The following SYCP2L variants were observed in gnomAD, a reference collection of about 807,000 sequenced individuals.
The protein encoded by SYCP2L is synaptonemal complex protein 2-like.
In SYCP2L, 98 loss-of-function variants were observed where a neutral mutation model predicts 125.8. The observed-to-expected ratio is 0.78, with a 90% CI of 0.66 to 0.92. SYCP2L has a LOEUF of 0.92. SYCP2L is among the 40% of genes least tolerant of loss of function. SYCP2L has a pLI of 0.00. For missense variants in SYCP2L, 842 were observed against 936.4 expected, an observed-to-expected ratio of 0.90 and a Z score of 1.32; for synonymous variants, 317 against 325.4, an observed-to-expected ratio of 0.97 and a Z score of 0.28.
At chr6:10,928,380 C>T (rs1379765077) in intron 17 of SYCP2L, 23 bp from the exon 18 acceptor site, 3 of 1,188,652 alleles carry the variant, frequency 2.5e-6, no homozygotes, top group African/African-American at 1.5e-5. Context: ...GAAATCTTCA[C>T]AATCCACGTT....
At chr6:10,935,642 A>G (rs567596061) in intron 21 of SYCP2L, among the ~76,000 whole-genome samples, 1 of 151,978 alleles carries the variant, frequency 6.6e-6, no homozygotes, top group African/African-American at 2.4e-5. Context: ...CTCCTGCCTC[A>G]GCCTCCCATG....
At position 10,958,912 on chromosome 6, in the gene SYCP2L, T is replaced by G. The variant is rs191474231; in HGVS notation, c.2255+37T>G. ...GTTTCAAAACAAGGTCGTGGAAGTG[T>G]GATCACTCACCAACAGCGTTTATCT... On this transcript the variant is annotated intron_variant, in intron 26 of 29. Transcript: ENST00000283141. 13 of 1,576,962 alleles carry G rather than the reference T, an allele frequency of 8.2e-6. No individual in the cohort carries two copies. In the Admixed American group the frequency reaches 1.8e-4, roughly 22 times the overall value.
chr6:10,922,465 C>CT (rs1205724403), intron 14 of SYCP2L, among the ~76,000 whole-genome samples: 2,862 of 135,622 alleles, frequency 0.021, 51 homozygotes, highest in Non-Finnish European at 0.028. Flanking sequence ...TAGCTAGTTA[C>CT]TTTTTTTTTT....
chr6:10,911,598 G>C (rs951164051), intron 12 of SYCP2L, among the ~76,000 whole-genome samples: 1 of 152,118 alleles, frequency 6.6e-6, no homozygotes, highest in East Asian at 1.9e-4. Context: ...GCTGATTCTT[G>C]TGTCTCAATT....
At chr6:10,904,056 A>C (rs1470263510) in intron 8 of SYCP2L, among the ~76,000 whole-genome samples, 1 of 152,196 alleles carries the variant, frequency 6.6e-6, no homozygotes, top group African/African-American at 2.4e-5. Flanking sequence ...TCAAAGTAAT[A>C]CTACTTGATA....
intron 14 of SYCP2L, among the ~76,000 whole-genome samples, chr6:10,918,769 C>CAG (rs1384724649): frequency 1.3e-5 from 2 of 152,056 alleles, no homozygotes; most frequent in Admixed American, 6.5e-5. Context: ...CTCCTGACCT[C>CAG]GTGATCCGCC....
intron 8 of SYCP2L, among the ~76,000 whole-genome samples, chr6:10,903,351 A>G (rs933755441): frequency 6.6e-6 from 1 of 152,184 alleles, no homozygotes; most frequent in African/African-American, 2.4e-5. Context: ...GATCGAGACC[A>G]TCCTGGCTAA....
chr6:10,908,187 T>A (rs1780540262), intron 10 of SYCP2L, among the ~76,000 whole-genome samples: 1 of 152,048 alleles, frequency 6.6e-6, no homozygotes, highest in Non-Finnish European at 1.5e-5. Context: ...CATGTCTGTC[T>A]AGGACTTCTT....
At chr6:10,923,851 T>G (rs1173171671) in intron 14 of SYCP2L, among the ~76,000 whole-genome samples, 1 of 150,934 alleles carries the variant, frequency 6.6e-6, no homozygotes, top group Non-Finnish European at 1.5e-5. Flanking sequence ...GCCCGGCTAA[T>G]TTTTTTGTAT....
chr6:10,955,245 C>T (rs773569729), intron 24 of SYCP2L, 28 bp downstream of exon 24: 1 of 1,439,502 alleles, frequency 6.9e-7, no homozygotes, highest in African/African-American at 1.4e-5. Context: ...GCCAATGGTT[C>T]AAGTAGGAGT....
chr6:10,887,162 C>A (rs1481124343), intron 1 of SYCP2L, 27 bp downstream of exon 1: 1 of 1,614,032 alleles, frequency 6.2e-7, no homozygotes, highest in South Asian at 1.1e-5. Flanking sequence ...GGGCCCGGAC[C>A]TTCTGTCCAC....
At chr6:10,943,609 C>A (rs1781259759) in intron 23 of SYCP2L, among the ~76,000 whole-genome samples, 1 of 152,142 alleles carries the variant, frequency 6.6e-6, no homozygotes, top group Non-Finnish European at 1.5e-5. Context: ...AAACTGGGAA[C>A]TAGAAAATTG....
At chr6:10,891,454 C>G in intron 1 of SYCP2L, 59 bp from the exon 2 acceptor site, 1 of 594,116 alleles carries the variant, frequency 1.7e-6, no homozygotes. Flanking sequence ...GTGTTTAAAA[C>G]TTGAAATGCA....
chr6:10,967,365 T>C (rs572053556), intron 29 of SYCP2L, among the ~76,000 whole-genome samples: 1 of 152,148 alleles, frequency 6.6e-6, no homozygotes, highest in South Asian at 2.1e-4. Context: ...AAGAAAATTA[T>C]AGATCAGTCT....
intron 21 of SYCP2L, among the ~76,000 whole-genome samples, chr6:10,935,940 G>A (rs910669452): frequency 1.3e-5 from 2 of 152,024 alleles, no homozygotes; most frequent in African/African-American, 2.4e-5. Flanking sequence ...TCTGACTTGG[G>A]GGCCAGAGTT....
At chr6:10,960,757 T>C (rs186563190) in intron 26 of SYCP2L, among the ~76,000 whole-genome samples, 1 of 151,258 alleles carries the variant, frequency 6.6e-6, no homozygotes, top group Admixed American at 6.6e-5. Context: ...TAAAAAAAAA[T>C]CAGCTTCCTC....
intron 23 of SYCP2L, among the ~76,000 whole-genome samples, chr6:10,943,928 C>T (rs1781266244): frequency 6.6e-6 from 1 of 152,066 alleles, no homozygotes; most frequent in Non-Finnish European, 1.5e-5. Context: ...CATGAAAATA[C>T]CATATTTAAA....
chr6:10,935,290 A>C, intron 21 of SYCP2L, 103 bp downstream of exon 21: 4 of 1,189,984 alleles, frequency 3.4e-6, no homozygotes, highest in Non-Finnish European at 4.7e-6. Flanking sequence ...TAAAGAAAAT[A>C]TGAAGATAAC....
In SYCP2L at chr6:10,958,876, G is replaced by T. The variant is rs1381987517; in HGVS notation, c.2255+1G>T. The T allele has an allele frequency of 6.2e-7, 1 of 1,613,646 alleles. No individual in the cohort carries two copies. Among genetic ancestry groups the T allele is most frequent in the East Asian group, 2.2e-5 (1 of 44,854 alleles). ...TTTTAAACCAGATGCAACTGTTCAG[G>T]TAAGTTTTAGGTTTCAAAACAAGGT... On this transcript the variant is annotated splice_donor_variant, in intron 26 of 29. Transcript: ENST00000283141. LOFTEE classifies it high-confidence loss of function.
Sources: gnomAD v4.1 joint callset for allele counts (sites outside exome capture counted in the v4.1 genomes callset) on GRCh38, gnomAD v4.1.1 for gene constraint, MANE v1.5 for transcripts, NCBI Gene and HGNC (gene_info 2026-07-23, HGNC 2026-07-21) for gene names.